The following EDAR variants were observed in gnomAD, a reference collection of about 807,000 sequenced individuals.
EDAR encodes tumor necrosis factor receptor superfamily member EDAR.
A neutral mutation model predicts 51.3 loss-of-function variants in EDAR; 38 were observed. The ratio of observed to expected loss-of-function variants is 0.74; its 90% CI spans 0.57 to 0.97. The LOEUF (loss-of-function observed/expected upper bound fraction) is 0.97, where lower values mean the gene tolerates loss of function less well. Ranked by LOEUF, EDAR falls within the 50% of genes least tolerant of loss-of-function variation. The probability of loss-of-function intolerance (pLI) is 0.00; values close to 1 mark genes in which losing one functional copy is unlikely to be tolerated. For missense variants in EDAR, 528 were observed against 595.0 expected, an observed-to-expected ratio of 0.89 and a Z score of 1.17; for synonymous variants, 227 against 242.1, an observed-to-expected ratio of 0.94 and a Z score of 0.58.
intron 11 of EDAR, among the ~76,000 whole-genome samples, chr2:108,899,176 AAAAC>A (rs137965476): frequency 0.14 from 20,831 of 152,198 alleles, 2,538 homozygotes; most frequent in African/African-American, 0.33. Flanking sequence ...CAGCCAAAGA[AAAAC>A]AACGCCTGAC....
At chr2:108,940,972 C>G (rs1574394170) in intron 1 of EDAR, among the ~76,000 whole-genome samples, 1 of 152,194 alleles carries the variant, frequency 6.6e-6, no homozygotes, top group Non-Finnish European at 1.5e-5. Flanking sequence ...TGGCTTGATA[C>G]AGAGCCCATC....
chr2:108,975,986 C>T (rs1008065181), intron 1 of EDAR, among the ~76,000 whole-genome samples: 16 of 152,120 alleles, frequency 1.1e-4, no homozygotes, highest in South Asian at 4.2e-4. Context: ...AGAGTGTTCC[C>T]GGGGACCCCA....
Position 108,911,038 on chromosome 2 carries a change from C to T in EDAR, c.564G>A (p.Leu188=), listed in dbSNP as rs762163525. 6.2e-7 allele frequency: 1 copy of T among 1,614,048 alleles called. No homozygotes were observed. The highest frequency in any genetic ancestry group is 1.3e-5 in the African/African-American group (1 of 74,898). ...LSGQGHLATA[L]IIAMSTIFIM... ...TGAAGATGGTGGACATTGCAATGAT[C>T]AGGGCAGTGGCCAGGTGTCCTTGGC... Residue 188 remains leucine (L), a synonymous_variant, in exon 7 of 12, where the codon CTG becomes CTA. Transcript: ENST00000258443.
At chr2:108,972,166 T>C (rs1359249714) in intron 1 of EDAR, among the ~76,000 whole-genome samples, 1 of 152,252 alleles carries the variant, frequency 6.6e-6, no homozygotes, top group African/African-American at 2.4e-5. Flanking sequence ...TCACATTTGT[T>C]GTTTTAAGCA....
At chr2:108,958,505 AG>A (rs1558832625) in intron 1 of EDAR, among the ~76,000 whole-genome samples, 1 of 151,942 alleles carries the variant, frequency 6.6e-6, no homozygotes, top group Non-Finnish European at 1.5e-5. Flanking sequence ...TTGTTCAGGC[AG>A]GGGGCAGAAC....
At chr2:108,968,688 C>A (rs529817893) in intron 1 of EDAR, among the ~76,000 whole-genome samples, 1 of 152,184 alleles carries the variant, frequency 6.6e-6, no homozygotes, top group African/African-American at 2.4e-5. Context: ...ACAGAATTTG[C>A]CCCCTTTACT....
At position 108,930,242 on chromosome 2, in the gene EDAR, C is replaced by T. The variant is rs764964749; in HGVS notation, c.52G>A (p.Val18Met). 27 of 1,613,984 alleles carry T rather than the reference C, an allele frequency of 1.7e-5. 1 individual carries two copies. In the South Asian group the frequency reaches 1.8e-4, roughly 11 times the overall value. The change falls in exon 3 of 12, where the codon GTG (valine) becomes ATG (methionine). Residue 18 changes from valine (V) to methionine (M), a missense_variant and splice_region_variant. Transcript: ENST00000258443. ...TQTPWLPVLV[V>M]SLMCSARAEY... ...GCTCGGGCTGAGCACATCAGAGACA[C>T]CTGCCAACAAAGGGGGGTGTTGTGG...
rs1696580055 is a variant in EDAR, at chr2:108,896,031, C to CT, written c.*875_*876insA. 1 of 152,204 alleles carries CT rather than the reference C, an allele frequency of 6.6e-6. No individual in the cohort carries two copies. Among genetic ancestry groups the CT allele is most frequent in the Admixed American group, 6.5e-5 (1 of 15,288 alleles). 9.4% of individuals were successfully genotyped at this position (152,204 alleles called of 1,614,324 possible). A position where few individuals can be genotyped will look rare whatever the true frequency, so the allele number is the denominator to read the frequency against. ...TGCTGTGTCCTTCAGCATTGCTGCCCCTAAAAGGTCAAATCTGCCTAAGAC... is the reference window on the plus strand; with the variant it reads ...TGCTGTGTCCTTCAGCATTGCTGCCCTCTAAAAGGTCAAATCTGCCTAAGAC... On this transcript the variant is annotated 3_prime_UTR_variant, in exon 12 of 12. Coordinates refer to ENST00000258443, the MANE Select transcript of EDAR (RefSeq NM_022336.4).
intron 1 of EDAR, among the ~76,000 whole-genome samples, chr2:108,961,999 G>A (rs1284430107): frequency 6.6e-6 from 1 of 152,208 alleles, no homozygotes; most frequent in African/African-American, 2.4e-5. Context: ...GTCATGAGCT[G>A]TTTCTCCCAA....
At chr2:108,908,091 G>T in intron 9 of EDAR, 72 bp from the exon 10 acceptor site, 1 of 1,495,438 alleles carries the variant, frequency 6.7e-7, no homozygotes, top group Non-Finnish European at 9.0e-7. Flanking sequence ...CTCCTGTGGT[G>T]AACTTGTCCA....
Position 108,923,286 on chromosome 2 carries a change from C to T in EDAR, c.442+82G>A, listed in dbSNP as rs113809781. ...GATTCACCTTGTCCAGGTGCCAGGA[C>T]CGGCTCTTTCCTACACCCTCTGTAG... On this transcript the variant is annotated intron_variant, in intron 5 of 11. Transcript: ENST00000258443. The T allele has an allele frequency of 2.3e-3, 3,160 of 1,354,566 alleles. 61 individuals are homozygous for T. In the African/African-American group the frequency reaches 0.039, roughly 17 times the overall value. 83.9% of individuals were successfully genotyped at this position (1,354,566 alleles called of 1,614,324 possible).
At chr2:108,913,808 G>T (rs1696976424) in intron 5 of EDAR, among the ~76,000 whole-genome samples, 1 of 151,984 alleles carries the variant, frequency 6.6e-6, no homozygotes, top group Non-Finnish European at 1.5e-5. Flanking sequence ...AAATTAGCCG[G>T]GCGTGGTGGC....
intron 1 of EDAR, among the ~76,000 whole-genome samples, chr2:108,956,447 C>T (rs916217937): frequency 4.6e-5 from 7 of 152,204 alleles, no homozygotes; most frequent in African/African-American, 1.7e-4. Flanking sequence ...CCTCCATGTC[C>T]TCCACTAGCA....
chr2:108,930,051 G>A, intron 3 of EDAR, 69 bp downstream of exon 3: 1 of 1,546,684 alleles, frequency 6.5e-7, no homozygotes, highest in Non-Finnish European at 8.8e-7. Context: ...GCAGGCTCAG[G>A]GCAACAATGC....
chr2:108,922,786 C>T (rs186743883), intron 5 of EDAR, among the ~76,000 whole-genome samples: 1 of 152,282 alleles, frequency 6.6e-6, no homozygotes, highest in African/African-American at 2.4e-5. Context: ...TAAGAGTCTA[C>T]ACAGCACATT....
At chr2:108,907,601 T>C (rs1240352322) in intron 10 of EDAR, among the ~76,000 whole-genome samples, 1 of 151,170 alleles carries the variant, frequency 6.6e-6, no homozygotes, top group African/African-American at 2.4e-5. Flanking sequence ...TGAGCCGAGA[T>C]CGCACCACTG....
At chr2:108,982,206 A>C (rs1381731006) in intron 1 of EDAR, among the ~76,000 whole-genome samples, 1 of 152,240 alleles carries the variant, frequency 6.6e-6, no homozygotes, top group Non-Finnish European at 1.5e-5. Context: ...CAGCAAATGC[A>C]GTGGCCTCTC....
At chr2:108,952,686 T>C (rs991645269) in intron 1 of EDAR, among the ~76,000 whole-genome samples, 15 of 152,250 alleles carry the variant, frequency 9.9e-5, no homozygotes, top group African/African-American at 3.6e-4. Context: ...AATTCCAACA[T>C]CCGGATTATC....
At position 108,896,730 on chromosome 2, in the gene EDAR, T is replaced by C. The variant is rs1574361498; in HGVS notation, c.*177A>G. 1.6e-6 allele frequency: 1 copy of C among 640,992 alleles called. No individual in the cohort carries two copies. 39.7% of individuals were successfully genotyped at this position (640,992 alleles called of 1,614,324 possible). A position where few individuals can be genotyped will look rare whatever the true frequency, so the allele number is the denominator to read the frequency against. Reference sequence around the variant, plus strand: ...AAAGTATCCCGGCTCTAGTCCTTTATCTTTGGTTAAATTGGAAGACAGGCC... The same window carrying C: ...AAAGTATCCCGGCTCTAGTCCTTTACCTTTGGTTAAATTGGAAGACAGGCC... On this transcript the variant is annotated 3_prime_UTR_variant, in exon 12 of 12. Transcript: ENST00000258443.
Sources: gnomAD v4.1 joint callset for allele counts (sites outside exome capture counted in the v4.1 genomes callset) on GRCh38, gnomAD v4.1.1 for gene constraint, MANE v1.5 for transcripts, NCBI Gene and HGNC (gene_info 2026-07-23, HGNC 2026-07-21) for gene names.